The following LHFPL3 variants were observed in gnomAD, a reference collection of about 807,000 sequenced individuals.
LHFPL3 encodes the protein LHFPL tetraspan subfamily member 3, also known as LHFPL tetraspan subfamily member 3 protein.
LHFPL3 carries 5 observed loss-of-function variants against 19.3 expected under a neutral mutation model. That is an observed-to-expected ratio of 0.26 (90% CI 0.14 to 0.54). The LOEUF (loss-of-function observed/expected upper bound fraction) is 0.54, where lower values mean the gene tolerates loss of function less well. LHFPL3 is among the 20% of genes least tolerant of loss of function. The pLI is 0.94. For missense variants in LHFPL3, 249 were observed against 307.4 expected (o/e 0.81, Z 1.42); for synonymous variants, 133 against 126.2 (o/e 1.05, Z -0.36).
Position 104,841,491 on chromosome 7 carries a change from GGGGT to G in LHFPL3, c.683-64694_683-64691del, listed in dbSNP as rs1415150695. Among the ~76,000 whole-genome samples the G allele has an allele frequency of 6.0e-3, 853 of 141,908 alleles. 3 individuals are homozygous for G. The highest frequency in any genetic ancestry group is 0.02 in the African/African-American group (733 of 36,972). The allele number at this position is 141,908 out of a possible 152,430, so 93.1% of individuals were successfully genotyped here. A position where few individuals can be genotyped will look rare whatever the true frequency, so the allele number is the denominator to read the frequency against. The stretch of plus-strand genomic sequence containing the variant: ...CAATATGTATTACGATGCATTATGT[GGGGT>G]GTGTGTGTGTGTGTGTGTGTGTGTG... On this transcript the variant is annotated intron_variant, in intron 2 of 2. Coordinates refer to ENST00000424859, the MANE Select transcript of LHFPL3 (RefSeq NM_199000.3).
At chr7:104,797,623 G>A (rs536528734) in intron 2 of LHFPL3, among the ~76,000 whole-genome samples, 1 of 151,614 alleles carries the variant, frequency 6.6e-6, no homozygotes, top group East Asian at 1.9e-4. Flanking sequence ...TAAAACTATA[G>A]ACAACATAGG....
chr7:104,892,432 G>A (rs1401946293), intron 2 of LHFPL3, among the ~76,000 whole-genome samples: 1 of 152,036 alleles, frequency 6.6e-6, no homozygotes, highest in African/African-American at 2.4e-5. Flanking sequence ...ATCCTAAATC[G>A]TAGGGCATGG....
At chr7:104,824,968 G>A (rs1377284184) in intron 2 of LHFPL3, among the ~76,000 whole-genome samples, 2 of 145,072 alleles carry the variant, frequency 1.4e-5, no homozygotes, top group Non-Finnish European at 3.0e-5. Flanking sequence ...GGAAGCCCAG[G>A]GCCCCAGCTT....
At chr7:104,398,695 C>G (rs973785769) in intron 1 of LHFPL3, among the ~76,000 whole-genome samples, 2 of 152,160 alleles carry the variant, frequency 1.3e-5, no homozygotes, top group Non-Finnish European at 2.9e-5. Context: ...AGTTCAAGCC[C>G]AAGTCTTCCT....
At chr7:104,836,758 G>C (rs935576438) in intron 2 of LHFPL3, among the ~76,000 whole-genome samples, 1 of 152,156 alleles carries the variant, frequency 6.6e-6, no homozygotes, top group African/African-American at 2.4e-5. Context: ...AGATGAGCCA[G>C]GTTAACTTTT....
chr7:104,649,009 T>C (rs77464137), intron 1 of LHFPL3, among the ~76,000 whole-genome samples: 2 of 152,196 alleles, frequency 1.3e-5, no homozygotes, highest in Non-Finnish European at 2.9e-5. Flanking sequence ...CCTCCTATTT[T>C]CCTACACTCC....
At position 104,525,807 on chromosome 7, in the gene LHFPL3, A is replaced by G. The variant is rs138433652; in HGVS notation, c.445+196583A>G. Among the ~76,000 whole-genome samples, 13 of 152,078 alleles carry G rather than the reference A, an allele frequency of 8.5e-5. No individual in the cohort carries two copies. In the East Asian group the frequency reaches 2.5e-3, roughly 29 times the overall value. ...TTTTTAGTAGAGACAGAGTTTTGCC[A>G]TGTTGGCCAGGCTGATCTCGAACTC... On this transcript the variant is annotated intron_variant, in intron 1 of 2. Transcript: ENST00000424859.
intron 2 of LHFPL3, among the ~76,000 whole-genome samples, chr7:104,885,713 T>C (rs1792134413): frequency 6.6e-6 from 1 of 152,094 alleles, no homozygotes; most frequent in South Asian, 2.1e-4. Flanking sequence ...CTCTTACCCC[T>C]TACAGTCTTC....
At chr7:104,792,983 C>T (rs1261748175) in intron 2 of LHFPL3, among the ~76,000 whole-genome samples, 3 of 152,182 alleles carry the variant, frequency 2.0e-5, no homozygotes, top group Non-Finnish European at 2.9e-5. Flanking sequence ...GCAACCTCTA[C>T]CTCCCAGTTT....
At chr7:104,531,058 A>T (rs1189125431) in intron 1 of LHFPL3, among the ~76,000 whole-genome samples, 1 of 152,228 alleles carries the variant, frequency 6.6e-6, no homozygotes. Flanking sequence ...AGGGCCTGGA[A>T]TAGTTCCGTT....
At chr7:104,601,253 T>C (rs925706289) in intron 1 of LHFPL3, among the ~76,000 whole-genome samples, 23 of 152,056 alleles carry the variant, frequency 1.5e-4, no homozygotes, top group Admixed American at 1.4e-3. Flanking sequence ...GGAGAGATGA[T>C]AGTTTAAATT....
At chr7:104,475,322 C>A (rs1792989634) in intron 1 of LHFPL3, among the ~76,000 whole-genome samples, 1 of 151,986 alleles carries the variant, frequency 6.6e-6, no homozygotes, top group African/African-American at 2.4e-5. Flanking sequence ...CATCCCTTAT[C>A]CCTGTCTTGG....
At chr7:104,594,143 C>A (rs982187880) in intron 1 of LHFPL3, among the ~76,000 whole-genome samples, 2 of 152,212 alleles carry the variant, frequency 1.3e-5, no homozygotes, top group East Asian at 3.8e-4. Flanking sequence ...GTAGTTTTTA[C>A]AATTTGGCCT....
intron 1 of LHFPL3, among the ~76,000 whole-genome samples, chr7:104,400,703 A>G (rs1173357299): frequency 6.6e-6 from 1 of 152,220 alleles, no homozygotes; most frequent in Non-Finnish European, 1.5e-5. Flanking sequence ...ACCCCTCAGC[A>G]TGATCTAAAT....
intron 1 of LHFPL3, among the ~76,000 whole-genome samples, chr7:104,689,044 A>T (rs1172403325): frequency 6.6e-6 from 1 of 152,092 alleles, no homozygotes; most frequent in Admixed American, 6.6e-5. Flanking sequence ...CTTTAGACCT[A>T]CTCATCCCAG....
intron 1 of LHFPL3, among the ~76,000 whole-genome samples, chr7:104,505,693 G>T (rs1040145971): frequency 6.6e-6 from 1 of 152,168 alleles, no homozygotes; most frequent in African/African-American, 2.4e-5. Context: ...ATGAATGAAT[G>T]ACTATAGTAG....
chr7:104,575,819 C>T (rs1790328267), intron 1 of LHFPL3, among the ~76,000 whole-genome samples: 1 of 151,836 alleles, frequency 6.6e-6, no homozygotes, highest in Non-Finnish European at 1.5e-5. Context: ...ACCACTTTAC[C>T]CTTTAAATAT....
intron 1 of LHFPL3, among the ~76,000 whole-genome samples, chr7:104,351,584 A>G (rs1442251624): frequency 6.6e-6 from 1 of 152,214 alleles, no homozygotes; most frequent in Admixed American, 6.5e-5. Flanking sequence ...TTAAGATGGA[A>G]GGAGACTAAA....
chr7:104,389,404 T>C (rs1791015233), intron 1 of LHFPL3, among the ~76,000 whole-genome samples: 1 of 152,168 alleles, frequency 6.6e-6, no homozygotes, highest in Admixed American at 6.5e-5. Context: ...TTCATGTGTA[T>C]AGACCAGACG....
Sources: gnomAD v4.1 joint callset for allele counts (sites outside exome capture counted in the v4.1 genomes callset) on GRCh38, gnomAD v4.1.1 for gene constraint, MANE v1.5 for transcripts, NCBI Gene and HGNC (gene_info 2026-07-23, HGNC 2026-07-21) for gene names.